ORAI2: variants seen among roughly 807,000 people sequenced by gnomAD.
ORAI2 encodes the protein protein orai-2.
Under a neutral mutation model 16.2 loss-of-function variants are expected in ORAI2, and 10 were observed. That is an observed-to-expected ratio of 0.62 (90% CI 0.38 to 1.04). The LOEUF is 1.04. Among genes scored for constraint, ORAI2 ranks in the 50% least tolerant of loss-of-function variants. The pLI, the probability that ORAI2 is intolerant of heterozygous loss-of-function variation, is 0.01. For missense variants in ORAI2, 238 were observed against 355.5 expected, an observed-to-expected ratio of 0.67 and a Z score of 2.66; for synonymous variants, 150 against 157.5, an observed-to-expected ratio of 0.95 and a Z score of 0.35.
chr7:102,443,825 G>C (rs947926125), intron 3 of ORAI2, among the ~76,000 whole-genome samples: 17 of 152,116 alleles, frequency 1.1e-4, no homozygotes, highest in African/African-American at 4.1e-4. Flanking sequence ...TCCTGCCTCA[G>C]CCTCCCGAGT....
In ORAI2 at chr7:102,447,044, G is replaced by A. The variant is rs1797390143; in HGVS notation, c.757G>A (p.Val253Ile). ...GGACGGGCATGAGCGCAGCCTGCAG[G>A]TCTTGTGAGGGGCCGAGGGCCGGGG... ...QLDGHERSLQ[V>I]L The change falls in exon 4 of 4, where the codon GTC becomes ATC. Residue 253 changes from valine (V) to isoleucine (I), a missense_variant. Coordinates refer to ENST00000495936, the MANE Select transcript of ORAI2 (RefSeq NM_001126340.3). 1.9e-6 allele frequency: 3 copies of A among 1,540,326 alleles called. No homozygotes were observed. Among genetic ancestry groups the A allele is most frequent in the Non-Finnish European group, 1.7e-6 (2 of 1,146,466 alleles).
At position 102,438,933 on chromosome 7, in the gene ORAI2, C is replaced by T; in HGVS notation, c.-13-11C>T. 1.2e-6 allele frequency: 2 copies of T among 1,612,172 alleles called. No individual in the cohort carries two copies. Among genetic ancestry groups the T allele is most frequent in the Non-Finnish European group, 1.7e-6 (2 of 1,178,636 alleles). ...CTAGGATGTCTGAGCATGTCTCTCTCCCACCCTTAGCCTGGCTCCCACCAT... is the reference window on the plus strand; with the variant it reads ...CTAGGATGTCTGAGCATGTCTCTCTTCCACCCTTAGCCTGGCTCCCACCAT... On this transcript the variant is annotated splice_polypyrimidine_tract_variant and intron_variant, in intron 2 of 3. Coordinates refer to ENST00000495936, the MANE Select transcript of ORAI2 (RefSeq NM_001126340.3).
intron 3 of ORAI2, among the ~76,000 whole-genome samples, chr7:102,441,891 C>A (rs939411403): frequency 2.0e-5 from 3 of 152,090 alleles, no homozygotes; most frequent in African/African-American, 7.3e-5. Context: ...AAATAAGTGA[C>A]AAATACAAAT....
In ORAI2 at chr7:102,455,617, G is replaced by A. The variant is rs1024082371; in HGVS notation, c.*8565G>A. 3.9e-5 allele frequency: 6 copies of A among 152,266 alleles called. No individual in the cohort carries two copies. Among genetic ancestry groups the A allele is most frequent in the South Asian group, 2.1e-4 (1 of 4,832 alleles). The allele number at this position is 152,266 out of a possible 1,614,324, so 9.4% of individuals were successfully genotyped here. On this transcript the variant is annotated 3_prime_UTR_variant, in exon 4 of 4. Transcript: ENST00000495936. Reference sequence around the variant, plus strand: ...GCAGAGACCCTGCACTGGCCCCCTCGAGAGTGGACCCCTGGGCTGGCTTAT... The same window carrying A: ...GCAGAGACCCTGCACTGGCCCCCTCAAGAGTGGACCCCTGGGCTGGCTTAT...
chr7:102,449,569 T>TGGTGGCGGGTAC lies in ORAI2; in HGVS notation c.*2518_*2529dup, dbSNP rs1264010165. The TGGTGGCGGGTAC allele has an allele frequency of 1.3e-5, 2 of 152,038 alleles. No individual in the cohort carries two copies. The highest frequency in any genetic ancestry group is 2.9e-5 in the Non-Finnish European group (2 of 68,030). 9.4% of individuals were successfully genotyped at this position (152,038 alleles called of 1,614,324 possible). A position where few individuals can be genotyped will look rare whatever the true frequency, so the allele number is the denominator to read the frequency against. ...AAAAATACAAAAAATTAGCCGGGTA[T>TGGTGGCGGGTAC]GGTGGCGGGTACCTGTAATCCCAGC... On this transcript the variant is annotated 3_prime_UTR_variant, in exon 4 of 4. Transcript: ENST00000495936.
At chr7:102,445,159 C>T (rs866792383) in intron 3 of ORAI2, among the ~76,000 whole-genome samples, 4 of 152,262 alleles carry the variant, frequency 2.6e-5, no homozygotes, top group East Asian at 1.9e-4. Context: ...TTAGAGATGC[C>T]GGCTCTCACT....
At chr7:102,445,499 A>T (rs557423434) in intron 3 of ORAI2, among the ~76,000 whole-genome samples, 1 of 151,760 alleles carries the variant, frequency 6.6e-6, no homozygotes, top group Non-Finnish European at 1.5e-5. Flanking sequence ...ACCCGGGCTG[A>T]AGTGTAGTGG....
At chr7:102,443,985 G>A (rs1199605968) in intron 3 of ORAI2, among the ~76,000 whole-genome samples, 1 of 152,050 alleles carries the variant, frequency 6.6e-6, no homozygotes, top group Non-Finnish European at 1.5e-5. Context: ...GGGATTACAG[G>A]CACCCGGCCA....
rs1390130285 is a variant in ORAI2, at chr7:102,452,450, G to C, written c.*5398G>C. On this transcript the variant is annotated 3_prime_UTR_variant, in exon 4 of 4. Coordinates refer to ENST00000495936, the MANE Select transcript of ORAI2 (RefSeq NM_001126340.3). ...AGCTTATGTTTATAGATTTATTTTA[G>C]AGACAGGGTTGGGCTCTATTGCCCA... is the stretch of plus-strand genomic sequence containing the variant. 1 of 151,330 alleles carries C rather than the reference G, an allele frequency of 6.6e-6. No homozygotes were observed. The highest frequency in any genetic ancestry group is 1.5e-5 in the Non-Finnish European group (1 of 67,900). 9.4% of individuals were successfully genotyped at this position (151,330 alleles called of 1,614,324 possible).
Position 102,449,418 on chromosome 7 carries a change from A to C in ORAI2, c.*2366A>C, listed in dbSNP as rs1325768600. The stretch of plus-strand genomic sequence containing the variant: ...ATGTCTAAAAAAATTATTTTAAATT[A>C]GCCAGGCCGGGTGCAATGGCTCGCG... On this transcript the variant is annotated 3_prime_UTR_variant, in exon 4 of 4. Coordinates refer to ENST00000495936, the MANE Select transcript of ORAI2 (RefSeq NM_001126340.3). 6.6e-6 allele frequency: 1 copy of C among 152,114 alleles called. No homozygotes were observed. Among genetic ancestry groups the C allele is most frequent in the African/African-American group, 2.4e-5 (1 of 41,418 alleles). The allele number at this position is 152,114 out of a possible 1,614,324, so 9.4% of individuals were successfully genotyped here.
Position 102,448,283 on chromosome 7 carries a change from G to A in ORAI2, c.*1231G>A, listed in dbSNP as rs985350714. 1.3e-5 allele frequency: 2 copies of A among 152,310 alleles called. No individual in the cohort carries two copies. Among genetic ancestry groups the A allele is most frequent in the African/African-American group, 4.8e-5 (2 of 41,474 alleles). 9.4% of individuals were successfully genotyped at this position (152,310 alleles called of 1,614,324 possible). ...CTTGAAGGCATCTGGTAGACCCGAAGCCACGCTCTCGGGCCGCACATGCAC... is the reference window on the plus strand; with the variant it reads ...CTTGAAGGCATCTGGTAGACCCGAAACCACGCTCTCGGGCCGCACATGCAC... On this transcript the variant is annotated 3_prime_UTR_variant, in exon 4 of 4. Transcript: ENST00000495936.
rs796119951 is a variant in ORAI2 at position 102,456,127 on chromosome 7, C to T, written c.*9075C>T. 6 of 153,846 alleles carry T rather than the reference C, an allele frequency of 3.9e-5. No homozygotes were observed. Among genetic ancestry groups the T allele is most frequent in the African/African-American group, 1.2e-4 (5 of 41,430 alleles). 9.5% of individuals were successfully genotyped at this position (153,846 alleles called of 1,614,324 possible). The stretch of plus-strand genomic sequence containing the variant: ...CCACCCCCTCAGCCTCCACAGCCTG[C>T]CCCGCACCCAGCCACAGGAACAGCA... On this transcript the variant is annotated 3_prime_UTR_variant, in exon 4 of 4. Coordinates refer to ENST00000495936, the MANE Select transcript of ORAI2 (RefSeq NM_001126340.3).
At chr7:102,445,884 T>C (rs1479918818) in intron 3 of ORAI2, among the ~76,000 whole-genome samples, 2 of 136,604 alleles carry the variant, frequency 1.5e-5, no homozygotes, top group Non-Finnish European at 3.1e-5. Context: ...TCTTTCTCTC[T>C]CTTTCTTTCT....
chr7:102,434,962 C>A (rs970777120), intron 1 of ORAI2, among the ~76,000 whole-genome samples: 1 of 152,158 alleles, frequency 6.6e-6, no homozygotes, highest in Non-Finnish European at 1.5e-5. Context: ...GAGGAAAGGT[C>A]CCTCTTTTTT....
chr7:102,439,048 G>A lies in ORAI2; in HGVS notation c.92G>A (p.Arg31His), dbSNP rs1797129556. 1.9e-6 allele frequency: 3 copies of A among 1,614,026 alleles called. No individual in the cohort carries two copies. Among genetic ancestry groups the A allele is most frequent in the African/African-American group, 1.3e-5 (1 of 75,060 alleles). ...HKGMDYRDWVRRSYLELVTSN... is the reference protein window; with the variant it reads ...HKGMDYRDWVHRSYLELVTSN... The stretch of plus-strand genomic sequence containing the variant: ...GGCATGGATTACCGGGACTGGGTCC[G>A]CCGCAGCTACCTGGAACTGGTCACC... Residue 31 changes from arginine (R) to histidine (H), a missense_variant, in exon 3 of 4, where the codon CGC becomes CAC. Coordinates refer to ENST00000495936, the MANE Select transcript of ORAI2 (RefSeq NM_001126340.3).
intron 1 of ORAI2, among the ~76,000 whole-genome samples, chr7:102,434,073 G>C (rs1796995022): frequency 6.6e-6 from 1 of 150,928 alleles, no homozygotes; most frequent in Admixed American, 6.6e-5. Flanking sequence ...TCTAGAGAGG[G>C]GATCGCGTTA....
rs1223356991 is a variant in ORAI2, at chr7:102,436,283, C to T, written c.-64C>T. Reference sequence around the variant, plus strand: ...TGCGGTGCTGCTGGCTGCGGATGTGCGCAAGGAGATGGGATGGAGAGCCTG... The same window carrying T: ...TGCGGTGCTGCTGGCTGCGGATGTGTGCAAGGAGATGGGATGGAGAGCCTG... On this transcript the variant is annotated 5_prime_UTR_variant, in exon 2 of 4. Transcript: ENST00000495936. The T allele has an allele frequency of 1.3e-5, 13 of 985,190 alleles. No homozygotes were observed. Among genetic ancestry groups the T allele is most frequent in the African/African-American group, 1.7e-5 (1 of 57,198 alleles). 61.0% of individuals were successfully genotyped at this position (985,190 alleles called of 1,614,324 possible). A position where few individuals can be genotyped will look rare whatever the true frequency, so the allele number is the denominator to read the frequency against.
In ORAI2 at chr7:102,448,852, A is replaced by C. The variant is rs1223496723; in HGVS notation, c.*1800A>C. The C allele has an allele frequency of 6.6e-6, 1 of 150,432 alleles. No homozygotes were observed. Among genetic ancestry groups the C allele is most frequent in the African/African-American group, 2.5e-5 (1 of 40,816 alleles). The allele number at this position is 150,432 out of a possible 1,614,324, so 9.3% of individuals were successfully genotyped here. ...AGCTGAGATCACGCCATTGCACTACAGCCTGGGCAACAAGAGCGAAACTTT... is the reference window on the plus strand; with the variant it reads ...AGCTGAGATCACGCCATTGCACTACCGCCTGGGCAACAAGAGCGAAACTTT... On this transcript the variant is annotated 3_prime_UTR_variant, in exon 4 of 4. Transcript: ENST00000495936.
rs879191035 is a variant in ORAI2 at position 102,451,003 on chromosome 7, C to T, written c.*3951C>T. 6.6e-6 allele frequency: 1 copy of T among 152,182 alleles called. No homozygotes were observed. The highest frequency in any genetic ancestry group is 6.6e-5 in the Admixed American group (1 of 15,256). 9.4% of individuals were successfully genotyped at this position (152,182 alleles called of 1,614,324 possible). On this transcript the variant is annotated 3_prime_UTR_variant, in exon 4 of 4. Coordinates refer to ENST00000495936, the MANE Select transcript of ORAI2 (RefSeq NM_001126340.3). ...ATCGCCTGAGATCAGGAGTTCGAGA[C>T]CAGCCTGGCCCACATGGTGAAACCC...
Sources: allele counts gnomAD v4.1 joint callset (sites outside exome capture counted in the v4.1 genomes callset), GRCh38; gene constraint gnomAD v4.1.1; transcripts MANE v1.5; gene names NCBI Gene and HGNC (gene_info 2026-07-23, HGNC 2026-07-21).